PFKFB2: variants seen among roughly 807,000 people sequenced by gnomAD.
PFKFB2 encodes 6-phosphofructo-2-kinase/fructose-2,6-bisphosphatase 2.
A neutral mutation model predicts 68.0 loss-of-function variants in PFKFB2; 53 were observed. The observed-to-expected ratio is 0.78, with a 90% CI of 0.63 to 0.98. PFKFB2 has a LOEUF of 0.98. PFKFB2 is among the 50% of genes least tolerant of loss of function. PFKFB2 has a pLI of 0.00. For synonymous variants in PFKFB2, 222 were observed against 227.6 expected, an observed-to-expected ratio of 0.98 and a Z score of 0.22; for missense variants, 451 against 642.0, an observed-to-expected ratio of 0.70 and a Z score of 3.22.
At chr1:207,037,309 CCT>C (rs1047848698) in intron 1 of PFKFB2, among the ~76,000 whole-genome samples, 2 of 152,176 alleles carry the variant, frequency 1.3e-5, no homozygotes, top group African/African-American at 4.8e-5. Context: ...TCTCCTGAAC[CCT>C]CAGTTATCCT....
upstream of PFKFB2, chr1:207,050,668 C>T (rs1258759315): frequency 3.1e-6 from 5 of 1,612,482 alleles, no homozygotes; most frequent in South Asian, 5.5e-5. Flanking sequence ...CTTTCCCTGG[C>T]CCCAGCCCTG....
At chr1:207,052,342 A>G (rs1682774301), upstream of PFKFB2, 1 of 949,124 alleles carries the variant, frequency 1.1e-6, no homozygotes, top group South Asian at 1.4e-5. Context: ...GGGGGTAGGT[A>G]GGAGGGAAGG....
upstream of PFKFB2, chr1:207,049,294 CT>C: frequency 1.9e-6 from 3 of 1,614,076 alleles, no homozygotes; most frequent in Non-Finnish European, 2.5e-6. Flanking sequence ...AAGCAGAACC[CT>C]TTTGGTATAT....
At chr1:207,040,589 ATGTT>A (rs1436906571) in intron 1 of PFKFB2, among the ~76,000 whole-genome samples, 1 of 152,186 alleles carries the variant, frequency 6.6e-6, no homozygotes, top group African/African-American at 2.4e-5. Context: ...TTAGGGGAAT[ATGTT>A]TGTGTCTTGT....
chr1:207,070,532 C>T lies in PFKFB2; in HGVS notation c.1222+123C>T, dbSNP rs1316208564. On this transcript the variant is annotated intron_variant, in intron 12 of 14. Coordinates refer to ENST00000367080, the MANE Select transcript of PFKFB2 (RefSeq NM_006212.2). The surrounding 1 kb of genome is among the most constrained non-coding windows in gnomAD (Gnocchi z 4.2). ...CTCAAATTAGAGTACTTTCTCCAGA[C>T]AGCAGTGTGGGGCTCCCAGCAGCCA... 1.8e-6 allele frequency: 2 copies of T among 1,085,624 alleles called. No homozygotes were observed. Among genetic ancestry groups the T allele is most frequent in the Non-Finnish European group, 2.6e-6 (2 of 766,716 alleles). The allele number at this position is 1,085,624 out of a possible 1,614,324, so 67.2% of individuals were successfully genotyped here. A position where few individuals can be genotyped will look rare whatever the true frequency, so the allele number is the denominator to read the frequency against.
chr1:207,059,679 G>A (rs1260361076), intron 2 of PFKFB2, among the ~76,000 whole-genome samples: 1 of 152,104 alleles, frequency 6.6e-6, no homozygotes, highest in Non-Finnish European at 1.5e-5. Flanking sequence ...CCCCAGGTCT[G>A]GGCCTCCATT....
At chr1:207,050,614 C>T, upstream of PFKFB2, 1 of 1,589,758 alleles carries the variant, frequency 6.3e-7, no homozygotes, top group South Asian at 1.1e-5. Context: ...CTTGCCTTGA[C>T]TGGTGTTTTG....
At chr1:207,043,118 T>C (rs1183101808) in intron 2 of PFKFB2, among the ~76,000 whole-genome samples, 1 of 152,142 alleles carries the variant, frequency 6.6e-6, no homozygotes, top group African/African-American at 2.4e-5. Flanking sequence ...TCTGAGCACT[T>C]GCATTTCTAA....
At chr1:207,064,987 G>A (rs1393529084) in intron 7 of PFKFB2, 49 bp from the exon 8 acceptor site, 5 of 1,597,838 alleles carry the variant, frequency 3.1e-6, no homozygotes, top group East Asian at 2.2e-5. Flanking sequence ...TAGGAGGACT[G>A]TTACGGGCAG....
intron 1 of PFKFB2, among the ~76,000 whole-genome samples, chr1:207,039,718 C>T (rs1682442459): frequency 1.3e-5 from 2 of 152,152 alleles, no homozygotes; most frequent in African/African-American, 4.8e-5. Flanking sequence ...ACTTCCACTT[C>T]CAGGAATGCT....
chr1:207,071,568 C>T lies in PFKFB2; in HGVS notation c.1345C>T (p.Pro449Ser), dbSNP rs113962276. The T allele has an allele frequency of 6.8e-6, 11 of 1,612,386 alleles. No individual in the cohort carries two copies. The highest frequency in any genetic ancestry group is 6.7e-5 in the African/African-American group (5 of 75,000). Residue 449 changes from proline (P) to serine (S), a missense_variant, in exon 14 of 15, where the codon CCA becomes TCA. By Grantham distance (74) the Pro-to-Ser change is moderately conservative. Coordinates refer to ENST00000367080, the MANE Select transcript of PFKFB2 (RefSeq NM_006212.2). Reference sequence around the variant, plus strand: ...GGCTGTGAACACGCACCGTGACAAGCCAACTGTAAGTATTTTCCCACGATG... The same window carrying T: ...GGCTGTGAACACGCACCGTGACAAGTCAACTGTAAGTATTTTCCCACGATG... ...VEAVNTHRDK[P>S]TNNFPKNQTP...
chr1:207,064,950 T>C, intron 7 of PFKFB2, 86 bp from the exon 8 acceptor site: 2 of 1,472,714 alleles, frequency 1.4e-6, no homozygotes, highest in African/African-American at 2.8e-5. Flanking sequence ...TGGACTTCTT[T>C]TTCTTTTTTT....
At position 207,069,538 on chromosome 1, in the gene PFKFB2, C is replaced by G; in HGVS notation, c.1092+10C>G. 1 of 1,549,602 alleles carries G rather than the reference C, an allele frequency of 6.5e-7. No homozygotes were observed. Among genetic ancestry groups the G allele is most frequent in the Non-Finnish European group, 8.9e-7 (1 of 1,121,454 alleles). On this transcript the variant is annotated intron_variant, in intron 11 of 14. Transcript: ENST00000367080. ...ATATCCTGGTGGGGAGGTAAGACGC[C>G]CCTGTCATGTAAAGTGACTGCCTAG...
chr1:207,049,779 G>A (rs186223097), upstream of PFKFB2: 45 of 1,495,064 alleles, frequency 3.0e-5, no homozygotes, highest in African/African-American at 5.7e-4. Context: ...GAAACCGAGT[G>A]TTCTCTAGCC....
chr1:207,076,542 G>A lies in PFKFB2; in HGVS notation c.*4171G>A. The stretch of plus-strand genomic sequence containing the variant: ...TGGGGTAGAATCGACTTTCCCTGAA[G>A]GTGACACAGATGTCAGAATTGTGTC... On this transcript the variant is annotated 3_prime_UTR_variant, in exon 15 of 15. Transcript: ENST00000367080. 5 of 970,242 alleles carry A rather than the reference G, an allele frequency of 5.2e-6. No homozygotes were observed. Among genetic ancestry groups the A allele is most frequent in the Non-Finnish European group, 6.1e-6 (5 of 823,632 alleles). 60.1% of individuals were successfully genotyped at this position (970,242 alleles called of 1,614,324 possible). A position where few individuals can be genotyped will look rare whatever the true frequency, so the allele number is the denominator to read the frequency against.
chr1:207,050,973 C>G (rs1371529379), upstream of PFKFB2: 6 of 1,543,758 alleles, frequency 3.9e-6, no homozygotes, highest in Non-Finnish European at 5.3e-6. Context: ...GAGACGCCGC[C>G]GGGGAAACCA....
At position 207,063,652 on chromosome 1, in the gene PFKFB2, G is replaced by A. The variant is rs1357224946; in HGVS notation, c.451-121G>A. 3.4e-6 allele frequency: 3 copies of A among 880,146 alleles called. No homozygotes were observed. Among genetic ancestry groups the A allele is most frequent in the Non-Finnish European group, 5.8e-6 (3 of 518,934 alleles). 54.5% of individuals were successfully genotyped at this position (880,146 alleles called of 1,614,324 possible). On this transcript the variant is annotated intron_variant, in intron 6 of 14. Transcript: ENST00000367080. This position sits in a 1 kb window ranked among gnomAD's most constrained non-coding sequence, Gnocchi z 4.1. Reference sequence around the variant, plus strand: ...TAAGAGCTATGAGGAGGACTTGAGGGCCACTTTCATGAAGAAAATCCTGGG... The same window carrying A: ...TAAGAGCTATGAGGAGGACTTGAGGACCACTTTCATGAAGAAAATCCTGGG...
intron 2 of PFKFB2, among the ~76,000 whole-genome samples, chr1:207,043,210 C>T (rs1043839513): frequency 6.6e-6 from 1 of 152,188 alleles, no homozygotes; most frequent in African/African-American, 2.4e-5. Flanking sequence ...GCTTCCATCA[C>T]ACAACCCAAC....
At chr1:207,069,286 C>T (rs1683397750) in intron 10 of PFKFB2, 138 bp from the exon 11 acceptor site, 1 of 587,242 alleles carries the variant, frequency 1.7e-6, no homozygotes. Context: ...CAGGCAGCTG[C>T]AATACATGAA....
Sources: allele counts gnomAD v4.1 joint callset (sites outside exome capture counted in the v4.1 genomes callset), GRCh38; gene constraint gnomAD v4.1.1; non-coding constraint Gnocchi (gnomAD v3.1); transcripts MANE v1.5; gene names NCBI Gene and HGNC (gene_info 2026-07-23, HGNC 2026-07-21).